The following DNAH1 variants were observed in gnomAD, a reference collection of about 807,000 sequenced individuals.
The protein encoded by DNAH1 is dynein axonemal heavy chain 1.
Under a neutral mutation model 484.3 loss-of-function variants are expected in DNAH1, and 327 were observed. That is an observed-to-expected ratio of 0.68 (90% confidence interval 0.62 to 0.74). The LOEUF (loss-of-function observed/expected upper bound fraction) is 0.74. DNAH1 is among the 30% of genes least tolerant of loss of function. The pLI is 0.00. For missense variants in DNAH1, 5,052 were observed against 5,546.8 expected, an observed-to-expected ratio of 0.91 and a Z score of 2.83; for synonymous variants, 2,192 against 2,191.9, an observed-to-expected ratio of 1.00 and a Z score of 0.00.
At position 52,361,861 on chromosome 3, in the gene DNAH1, T is replaced by G; in HGVS notation, c.4980+95T>G. On this transcript the variant is annotated intron_variant, in intron 30 of 77. Transcript: ENST00000420323. The surrounding 1 kb of genome is among the most constrained non-coding windows in gnomAD (Gnocchi z 5.6). ...CAGGCTGAGAAGCCAGGCGCTAAGG[T>G]CCACCCTGGGTCCAGCCTCTCTTGT... 7.5e-7 allele frequency: 1 copy of G among 1,335,442 alleles called. No homozygotes were observed. The highest frequency in any genetic ancestry group is 1.0e-6 in the Non-Finnish European group (1 of 968,824). The allele number at this position is 1,335,442 out of a possible 1,614,324, so 82.7% of individuals were successfully genotyped here.
In DNAH1 at chr3:52,398,033, T is replaced by C; in HGVS notation, c.11960T>C (p.Ile3987Thr). The change falls in exon 75 of 78, where the codon ATA becomes ACA. Residue 3987 changes from isoleucine to threonine, a missense_variant and splice_region_variant. This residue lies in a region of DNAH1 where 853 missense variants were observed against 899.0 expected (regional missense o/e 0.95). Coordinates refer to ENST00000420323, the MANE Select transcript of DNAH1 (RefSeq NM_015512.5). ...CACAGTATTCCTTTGCCCCTGCAGA[T>C]AGTGGAGGACGTCACCCAAAACATT... Reference protein sequence around the residue: ...SSAGSQGREEIVEDVTQNILL... With the variant: ...SSAGSQGREETVEDVTQNILL... The C allele has an allele frequency of 6.2e-7, 1 of 1,613,298 alleles. No individual in the cohort carries two copies. Among genetic ancestry groups the C allele is most frequent in the Non-Finnish European group, 8.5e-7 (1 of 1,179,506 alleles).
chr3:52,319,748 T>TA (rs2153222458), intron 1 of DNAH1, among the ~76,000 whole-genome samples: 1 of 152,190 alleles, frequency 6.6e-6, no homozygotes, highest in Non-Finnish European at 1.5e-5. Flanking sequence ...AGCTCCTGAG[T>TA]ATACTGGTAA....
chr3:52,332,057 T>C (rs1701573486), intron 7 of DNAH1, 85 bp from the exon 8 acceptor site: 1 of 1,483,014 alleles, frequency 6.7e-7, no homozygotes, highest in Non-Finnish European at 9.0e-7. Context: ...CCACTGGGCA[T>C]CCACGGCACA....
At chr3:52,389,018 T>A in intron 59 of DNAH1, 81 bp downstream of exon 59, 4 of 1,451,886 alleles carry the variant, frequency 2.8e-6, no homozygotes, top group South Asian at 2.8e-5. Flanking sequence ...GCCTCCATGA[T>A]AGGCAGCCTG....
At chr3:52,340,345 G>C (rs530742175) in intron 8 of DNAH1, among the ~76,000 whole-genome samples, 1 of 152,082 alleles carries the variant, frequency 6.6e-6, no homozygotes, top group East Asian at 1.9e-4. Flanking sequence ...GCCTCCCAAA[G>C]TTCTGGGATT....
In DNAH1 at chr3:52,370,773, C is replaced by A. The variant is rs775604295; in HGVS notation, c.6473C>A (p.Ala2158Glu). ...GTGTTCGATTACAGGCTGGAGGACGCGGGCATCAGTGGCACCAACGACAGT... is the reference window on the plus strand; with the variant it reads ...GTGTTCGATTACAGGCTGGAGGACGAGGGCATCAGTGGCACCAACGACAGT... ...GLVFDYRLEDAGISGTNDSED... is the reference protein window; with the variant it reads ...GLVFDYRLEDEGISGTNDSED... The change falls in exon 41 of 78, where the codon GCG (alanine) becomes GAG (glutamate). Residue 2158 changes from alanine (A) to glutamate (E), a missense_variant. Coordinates refer to ENST00000420323, the MANE Select transcript of DNAH1 (RefSeq NM_015512.5). 6.2e-7 allele frequency: 1 copy of A among 1,607,774 alleles called. No homozygotes were observed. The highest frequency in any genetic ancestry group is 1.7e-5 in the Admixed American group (1 of 59,116).
At position 52,369,845 on chromosome 3, in the gene DNAH1, G is replaced by A. The variant is rs201198770; in HGVS notation, c.5964G>A (p.Glu1988=). The A allele has an allele frequency of 6.3e-4, 1,009 of 1,610,036 alleles. No homozygotes were observed. The highest frequency in any genetic ancestry group is 3.1e-3 in the Middle Eastern group (19 of 6,046). The change falls in exon 38 of 78, where the codon GAG becomes GAA. Residue 1988 remains glutamate, a synonymous_variant. Coordinates refer to ENST00000420323, the MANE Select transcript of DNAH1 (RefSeq NM_015512.5). ...ACCAGGCAATGACCATGATGTTCGA[G>A]GTGCAAGACCTGGCGGTGGCTTCAC... ...KLTEAMTMMF[E]VQDLAVASPA...
chr3:52,365,177 G>A (rs1703022262), intron 34 of DNAH1, among the ~76,000 whole-genome samples, 158 bp downstream of exon 34: 1 of 152,220 alleles, frequency 6.6e-6, no homozygotes, highest in Non-Finnish European at 1.5e-5. Flanking sequence ...TCCAGAGGCA[G>A]GGCAGATGTC....
In DNAH1 at chr3:52,323,788, G is replaced by C; in HGVS notation, c.334-20G>C. 6.3e-7 allele frequency: 1 copy of C among 1,581,192 alleles called. No homozygotes were observed. Among genetic ancestry groups the C allele is most frequent in the South Asian group, 1.2e-5 (1 of 86,400 alleles). ...CCTGGGAGGTTGACACATACTCAGG[G>C]CTCCATGGTTTGGTTTCAGGAGGTA... On this transcript the variant is annotated intron_variant, in intron 2 of 77. Coordinates refer to ENST00000420323, the MANE Select transcript of DNAH1 (RefSeq NM_015512.5).
intron 37 of DNAH1, among the ~76,000 whole-genome samples, chr3:52,369,285 T>C (rs1233664786): frequency 6.6e-6 from 1 of 152,066 alleles, no homozygotes; most frequent in Admixed American, 6.6e-5. Context: ...TCAGGTGGGG[T>C]CAGGTGTGCA....
upstream of DNAH1, among the ~76,000 whole-genome samples, chr3:52,314,762 A>G (rs1700894603): frequency 6.6e-6 from 1 of 152,138 alleles, no homozygotes; most frequent in Non-Finnish European, 1.5e-5. Context: ...GCACTCAGGG[A>G]GTGTGTCCTG....
rs752242794 is a variant in DNAH1 at position 52,348,976 on chromosome 3, C to T, written c.2195C>T (p.Thr732Ile). The T allele has an allele frequency of 4.3e-6, 7 of 1,613,384 alleles. No individual in the cohort carries two copies. The highest frequency in any genetic ancestry group is 5.9e-6 in the Non-Finnish European group (7 of 1,179,906). The change falls in exon 13 of 78, where the codon ACC becomes ATC. Residue 732 changes from threonine (T) to isoleucine (I), a missense_variant. By Grantham distance (89) the Thr-to-Ile change is moderately conservative. Around this residue, in one of 4 missense-constraint regions of DNAH1, gnomAD observed 1,263 missense variants for 1,218.8 expected, o/e 1.04. Transcript: ENST00000420323. Reference protein sequence around the residue: ...HEPLVEELRATIASAVSKAMI... With the variant: ...HEPLVEELRAIIASAVSKAMI... ...CCACTGGTGGAAGAGCTACGGGCCA[C>T]CATTGCCAGTGCCGTGTCCAAGGCC...
chr3:52,354,773 GGCAGGGCTGGTCAGACA>G, intron 20 of DNAH1, 53 bp from the exon 21 acceptor site: 1 of 1,513,232 alleles, frequency 6.6e-7, no homozygotes, highest in South Asian at 1.2e-5. Flanking sequence ...TGCTTCCCTG[GGCAGGGCTGGTCAGACA>G]GCATCAGGAC....
chr3:52,359,221 C>A, intron 25 of DNAH1, 25 bp from the exon 26 acceptor site: 1 of 1,556,948 alleles, frequency 6.4e-7, no homozygotes, highest in South Asian at 1.2e-5. Flanking sequence ...CTGTCCAGGT[C>A]AGCCTGCCCA....
chr3:52,359,559 G>C (rs942222688), intron 26 of DNAH1, among the ~76,000 whole-genome samples, 173 bp downstream of exon 26: 6 of 152,184 alleles, frequency 3.9e-5, no homozygotes, highest in Non-Finnish European at 5.9e-5. Context: ...CCACAGGAAG[G>C]ACGGGCCTGA....
At chr3:52,397,141 C>T in intron 73 of DNAH1, 97 bp downstream of exon 73, 2 of 1,100,188 alleles carry the variant, frequency 1.8e-6, no homozygotes, top group Non-Finnish European at 2.6e-6. Context: ...GAGATGCAGC[C>T]CCCACCCTCC....
At chr3:52,386,558 T>G in intron 55 of DNAH1, 104 bp from the exon 56 acceptor site, 1 of 1,332,184 alleles carries the variant, frequency 7.5e-7, no homozygotes, top group Non-Finnish European at 1.0e-6. Context: ...CCGTGTCCTG[T>G]GGTAGTAGAG....
At chr3:52,376,025 T>C (rs1559548378) in intron 46 of DNAH1, 32 bp downstream of exon 46, 1 of 1,607,060 alleles carries the variant, frequency 6.2e-7, no homozygotes, top group East Asian at 2.2e-5. Context: ...AATGGGGCAC[T>C]GGTTCCAGGA....
chr3:52,346,660 G>T lies in DNAH1; in HGVS notation c.1845G>T (p.Val615=). The part of the protein sequence containing the change: ...YMLQDTLRFL[V]QDSLASFSQF... The stretch of plus-strand genomic sequence containing the variant: ...TGCAGGACACACTGCGCTTCCTGGT[G>T]CAGGACTCACTTGCCAGCTTCTCAC... Residue 615 remains valine, a synonymous_variant, in exon 11 of 78, where the codon GTG becomes GTT. Transcript: ENST00000420323. The T allele has an allele frequency of 6.2e-7, 1 of 1,614,062 alleles. No homozygotes were observed. The highest frequency in any genetic ancestry group is 8.5e-7 in the Non-Finnish European group (1 of 1,179,906).
Sources: allele counts gnomAD v4.1 joint callset (sites outside exome capture counted in the v4.1 genomes callset), GRCh38; gene constraint gnomAD v4.1.1; regional missense constraint gnomAD v4.1.1; non-coding constraint Gnocchi (gnomAD v3.1); transcripts MANE v1.5; gene names NCBI Gene and HGNC (gene_info 2026-07-23, HGNC 2026-07-21).